Variants in TSHZ2 observed in about 807,000 individuals in gnomAD.
The protein encoded by TSHZ2 is teashirt homolog 2.
TSHZ2 carries 21 observed loss-of-function variants against 74.4 expected under a neutral mutation model. That is an observed-to-expected ratio of 0.28 (90% CI 0.20 to 0.41). The LOEUF (loss-of-function observed/expected upper bound fraction) is 0.41, where lower values mean the gene tolerates loss of function less well. Among genes scored for constraint, TSHZ2 ranks in the 10% least tolerant of loss-of-function variants. The pLI is 1.00. For synonymous variants in TSHZ2, 540 were observed against 515.3 expected, an observed-to-expected ratio of 1.05 and a Z score of -0.65; for missense variants, 1,244 against 1,293.5, an observed-to-expected ratio of 0.96 and a Z score of 0.59.
chr20:53,081,091 C>G (rs985097520), intron 1 of TSHZ2, among the ~76,000 whole-genome samples: 2 of 152,232 alleles, frequency 1.3e-5, no homozygotes, highest in Admixed American at 6.5e-5. Context: ...TCATAGCTCA[C>G]TGTAGCCTCA....
intron 2 of TSHZ2, among the ~76,000 whole-genome samples, chr20:53,333,078 T>C (rs531757167): frequency 9.8e-5 from 15 of 152,330 alleles, no homozygotes; most frequent in Admixed American, 7.8e-4. Flanking sequence ...TTCTATCCCA[T>C]AAGCTCCATG....
intron 1 of TSHZ2, among the ~76,000 whole-genome samples, chr20:53,142,250 C>T (rs779996816): frequency 1.4e-4 from 22 of 152,222 alleles, no homozygotes; most frequent in African/African-American, 5.1e-4. Flanking sequence ...TCACTCTCTT[C>T]CTAGGGTCCT....
At chr20:53,471,360 T>C (rs1283490491) in intron 2 of TSHZ2, among the ~76,000 whole-genome samples, 1 of 152,174 alleles carries the variant, frequency 6.6e-6, no homozygotes, top group Non-Finnish European at 1.5e-5. Context: ...CTGTGACAGA[T>C]AGTGGGTTTT....
At chr20:53,323,808 C>A (rs142930717) in intron 2 of TSHZ2, among the ~76,000 whole-genome samples, 1 of 152,004 alleles carries the variant, frequency 6.6e-6, no homozygotes, top group African/African-American at 2.4e-5. Flanking sequence ...AAACTCCTAA[C>A]CTTAGGTGAT....
intron 1 of TSHZ2, among the ~76,000 whole-genome samples, chr20:53,047,718 T>C (rs1984276765): frequency 6.6e-6 from 1 of 151,638 alleles, no homozygotes; most frequent in Non-Finnish European, 1.5e-5. Flanking sequence ...TCACGGGCCA[T>C]TTTGGAGCAA....
chr20:53,389,371 G>A (rs1982167920), intron 2 of TSHZ2, among the ~76,000 whole-genome samples: 1 of 152,224 alleles, frequency 6.6e-6, no homozygotes, highest in Admixed American at 6.5e-5. Flanking sequence ...ACACGATTGT[G>A]TCTCTATTGC....
intron 2 of TSHZ2, among the ~76,000 whole-genome samples, chr20:53,280,537 A>T (rs1336323349): frequency 6.6e-6 from 1 of 152,216 alleles, no homozygotes; most frequent in African/African-American, 2.4e-5. Context: ...CACCACCTAC[A>T]TGGAGCTAGC....
At chr20:53,384,417 G>A (rs1981969862) in intron 2 of TSHZ2, among the ~76,000 whole-genome samples, 1 of 152,154 alleles carries the variant, frequency 6.6e-6, no homozygotes, top group South Asian at 2.1e-4. Context: ...TCCGAATACA[G>A]CAATCTTAAT....
intron 2 of TSHZ2, among the ~76,000 whole-genome samples, chr20:53,442,493 C>G (rs542107257): frequency 6.6e-6 from 1 of 152,138 alleles, no homozygotes; most frequent in Non-Finnish European, 1.5e-5. Context: ...AGCCAGTGCA[C>G]GGATTCTATT....
chr20:53,424,439 G>T (rs1488084050), intron 2 of TSHZ2, among the ~76,000 whole-genome samples: 3 of 152,114 alleles, frequency 2.0e-5, no homozygotes, highest in African/African-American at 7.2e-5. Flanking sequence ...ATTTGCATGT[G>T]TTTTTAAAAA....
intron 1 of TSHZ2, among the ~76,000 whole-genome samples, chr20:53,055,281 G>A (rs906264566): frequency 6.6e-6 from 1 of 152,190 alleles, no homozygotes; most frequent in South Asian, 2.1e-4. Context: ...AGTACATTTG[G>A]GTTTCCCTCA....
chr20:53,024,040 T>C (rs1343987285), intron 1 of TSHZ2, among the ~76,000 whole-genome samples: 1 of 152,002 alleles, frequency 6.6e-6, no homozygotes, highest in Non-Finnish European at 1.5e-5. Flanking sequence ...GGGGAGGTCA[T>C]TTTTTTCCCC....
chr20:53,085,152 C>G (rs1985658017), intron 1 of TSHZ2, among the ~76,000 whole-genome samples: 1 of 151,956 alleles, frequency 6.6e-6, no homozygotes, highest in Non-Finnish European at 1.5e-5. Flanking sequence ...CCTGAAGTCT[C>G]CTGACTTCGA....
intron 2 of TSHZ2, among the ~76,000 whole-genome samples, chr20:53,276,604 A>C (rs972984754): frequency 6.6e-6 from 1 of 152,232 alleles, no homozygotes; most frequent in Admixed American, 6.5e-5. Flanking sequence ...TAGAGTTAAA[A>C]GAAATAATCC....
intron 1 of TSHZ2, among the ~76,000 whole-genome samples, chr20:53,069,637 G>C (rs1255805669): frequency 6.7e-6 from 1 of 149,280 alleles, no homozygotes; most frequent in Non-Finnish European, 1.5e-5. Flanking sequence ...CCCTAATCCT[G>C]CCTAGCAAAA....
chr20:53,342,792 G>T (rs6022405), intron 2 of TSHZ2, among the ~76,000 whole-genome samples: 1 of 151,484 alleles, frequency 6.6e-6, no homozygotes, highest in African/African-American at 2.4e-5. Context: ...AGATTGACCC[G>T]TTTGGAGGAA....
chr20:53,440,691 A>G (rs1158026119), intron 2 of TSHZ2, among the ~76,000 whole-genome samples: 1 of 152,216 alleles, frequency 6.6e-6, no homozygotes, highest in Non-Finnish European at 1.5e-5. Context: ...AGCTTTAAAA[A>G]TACATGTGTA....
At position 53,241,740 on chromosome 20, in the gene TSHZ2, A is replaced by G. The variant is rs1412793243; in HGVS notation, c.41-11759A>G. Reference sequence around the variant, plus strand: ...CCAGTTATCTCACTTAATTTTCAAAATGATCTTTGAGGCAGGTACTATTAT... The same window carrying G: ...CCAGTTATCTCACTTAATTTTCAAAGTGATCTTTGAGGCAGGTACTATTAT... On this transcript the variant is annotated intron_variant, in intron 1 of 2. Coordinates refer to ENST00000371497, the MANE Select transcript of TSHZ2 (RefSeq NM_173485.6). Among the ~76,000 whole-genome samples, 3 of 152,140 alleles carry G rather than the reference A, an allele frequency of 2.0e-5. No individual in the cohort carries two copies. In the South Asian group the frequency reaches 6.2e-4, roughly 32 times the overall value.
At chr20:53,322,917 C>A (rs973314460) in intron 2 of TSHZ2, among the ~76,000 whole-genome samples, 2 of 152,190 alleles carry the variant, frequency 1.3e-5, no homozygotes, top group African/African-American at 2.4e-5. Flanking sequence ...AAACCAGTAT[C>A]TTTGGGGCTG....
Sources: allele counts gnomAD v4.1 joint callset (sites outside exome capture counted in the v4.1 genomes callset), GRCh38; gene constraint gnomAD v4.1.1; transcripts MANE v1.5; gene names NCBI Gene and HGNC (gene_info 2026-07-23, HGNC 2026-07-21).